Variants in CDCA2 observed in about 807,000 individuals in gnomAD.
CDCA2 encodes cell division cycle associated 2.
CDCA2 carries 44 observed loss-of-function variants against 67.0 expected under a neutral mutation model. The observed-to-expected ratio is 0.66, with a 90% CI of 0.52 to 0.84. The LOEUF is 0.84. CDCA2 is among the 40% of genes least tolerant of loss of function. CDCA2 has a pLI of 0.00. For synonymous variants in CDCA2, 447 were observed against 418.7 expected, an observed-to-expected ratio of 1.07 and a Z score of -0.82; for missense variants, 1,253 against 1,203.2, an observed-to-expected ratio of 1.04 and a Z score of -0.61.
rs1328650835 is a variant in CDCA2, at chr8:25,507,011, T to C, written c.2345T>C (p.Leu782Ser). 1.2e-6 allele frequency: 2 copies of C among 1,614,174 alleles called. No individual in the cohort carries two copies. Among genetic ancestry groups the C allele is most frequent in the Non-Finnish European group, 1.7e-6 (2 of 1,180,006 alleles). ...GAAGGAAAACTGCAATGCAATCGTT[T>C]AATGCCTAATTCACAAAAAGACTGT... ...AAEGKLQCNRLMPNSQKDCHC... is the reference protein window; with the variant it reads ...AAEGKLQCNRSMPNSQKDCHC... The change falls in exon 15 of 15, where the codon TTA becomes TCA. Residue 782 changes from leucine (L) to serine (S), a missense_variant. Leu to Ser is a moderately radical substitution (Grantham distance 145). Coordinates refer to ENST00000330560, the MANE Select transcript of CDCA2 (RefSeq NM_152562.4).
chr8:25,462,554 A>T (rs146801226), intron 4 of CDCA2, among the ~76,000 whole-genome samples: 3 of 151,498 alleles, frequency 2.0e-5, no homozygotes, highest in Non-Finnish European at 4.4e-5. Context: ...TGAACCTGGG[A>T]GGCAGAGGTT....
chr8:25,494,209 C>T (rs1804118365), intron 13 of CDCA2, among the ~76,000 whole-genome samples: 1 of 151,978 alleles, frequency 6.6e-6, no homozygotes, highest in Non-Finnish European at 1.5e-5. Context: ...CCTGTAATCT[C>T]AGCACTTTGG....
At chr8:25,500,105 C>G (rs1212275660) in intron 13 of CDCA2, among the ~76,000 whole-genome samples, 1 of 152,164 alleles carries the variant, frequency 6.6e-6, no homozygotes, top group East Asian at 1.9e-4. Context: ...GTCTTTCAAT[C>G]ATGTTGAGCA....
chr8:25,506,947 A>G lies in CDCA2; in HGVS notation c.2281A>G (p.Ile761Val). 6.2e-7 allele frequency: 1 copy of G among 1,613,844 alleles called. No individual in the cohort carries two copies. The highest frequency in any genetic ancestry group is 8.5e-7 in the Non-Finnish European group (1 of 1,179,868). Reference sequence around the variant, plus strand: ...CTTTAAAATTTCACCAGATTTAAACATAAAGTGTGAAAGAAAGGATGACTT... The same window carrying G: ...CTTTAAAATTTCACCAGATTTAAACGTAAAGTGTGAAAGAAAGGATGACTT... ...QFFKISPDLN[I>V]KCERKDDFLG... is the part of the protein sequence containing the mutation. Residue 761 changes from isoleucine to valine, a missense_variant, in exon 15 of 15, where the codon ATA becomes GTA. Physicochemically the swap from Ile to Val is conservative, Grantham distance 29. Transcript: ENST00000330560.
At chr8:25,481,269 TACAC>T (rs1803560311) in intron 8 of CDCA2, among the ~76,000 whole-genome samples, 1 of 147,874 alleles carries the variant, frequency 6.8e-6, no homozygotes, top group South Asian at 2.1e-4. Flanking sequence ...GGGTCTGTAA[TACAC>T]ACAGCACTGT....
chr8:25,483,453 A>G lies in CDCA2; in HGVS notation c.1087A>G (p.Asn363Asp). ...TGGGACTCATCCGAGCTTAATCTCA[A>G]ATCTCCCAAACTGTTGCAAAGAGAA... ...DDGTHPSLIS[N>D]LPNCCKEKEA... Residue 363 changes from asparagine (N) to aspartate (D), a missense_variant, in exon 9 of 15, where the codon AAT (asparagine) becomes GAT (aspartate). Physicochemically the swap from Asn to Asp is conservative, Grantham distance 23. Coordinates refer to ENST00000330560, the MANE Select transcript of CDCA2 (RefSeq NM_152562.4). The G allele has an allele frequency of 6.2e-7, 1 of 1,612,312 alleles. No homozygotes were observed. The highest frequency in any genetic ancestry group is 1.1e-5 in the South Asian group (1 of 90,786).
intron 14 of CDCA2, among the ~76,000 whole-genome samples, 177 bp from the exon 15 acceptor site, chr8:25,506,333 G>A (rs1032777658): frequency 1.3e-5 from 2 of 152,154 alleles, no homozygotes; most frequent in African/African-American, 4.8e-5. Flanking sequence ...GTGGATCGTT[G>A]GAGAACTAAA....
rs1396345917 is a variant in CDCA2 at position 25,480,104 on chromosome 8, A to G, written c.1012A>G (p.Met338Val). Residue 338 changes from methionine to valine, a missense_variant, in exon 8 of 15, where the codon ATG becomes GTG. By Grantham distance (21) the Met-to-Val change is conservative. Coordinates refer to ENST00000330560, the MANE Select transcript of CDCA2 (RefSeq NM_152562.4). ...RSVLKKPSVK[M>V]CLESLQEHCN... ...TGTACTGAAGAAACCCTCTGTTAAG[A>G]TGTGTCTAGAGAGCTTACAGGTAAG... 3 of 1,614,114 alleles carry G rather than the reference A, an allele frequency of 1.9e-6. No individual in the cohort carries two copies. The highest frequency in any genetic ancestry group is 2.2e-5 in the East Asian group (1 of 44,882).
intron 5 of CDCA2, 125 bp downstream of exon 5, chr8:25,466,450 A>T: frequency 1.1e-6 from 1 of 873,426 alleles, no homozygotes; most frequent in Non-Finnish European, 1.6e-6. Flanking sequence ...AGTGAGACTA[A>T]CATTAAAAAT....
rs561679144 is a variant in CDCA2 at position 25,470,070 on chromosome 8, G to T, written c.820+90G>T. 5.2e-5 allele frequency: 44 copies of T among 839,840 alleles called. 1 individual carries two copies. In the East Asian group the frequency reaches 5.9e-4, roughly 11 times the overall value. The allele number at this position is 839,840 out of a possible 1,614,324, so 52.0% of individuals were successfully genotyped here. The stretch of plus-strand genomic sequence containing the variant: ...CTATTTGCTAAAATTTGGGGGAACT[G>T]AAATTGTTTCCTACTTTTTAGGAGC... On this transcript the variant is annotated intron_variant, in intron 7 of 14. Coordinates refer to ENST00000330560, the MANE Select transcript of CDCA2 (RefSeq NM_152562.4).
chr8:25,470,051 G>C, intron 7 of CDCA2, 71 bp downstream of exon 7: 1 of 1,062,008 alleles, frequency 9.4e-7, no homozygotes, highest in Non-Finnish European at 1.4e-6. Context: ...GTACCTATTT[G>C]CTAAAATTTG....
intron 13 of CDCA2, among the ~76,000 whole-genome samples, chr8:25,497,359 C>T (rs943335299): frequency 1.3e-5 from 2 of 151,978 alleles, no homozygotes; most frequent in African/African-American, 4.8e-5. Flanking sequence ...TGTGTACACA[C>T]ACAACAAAAT....
intron 6 of CDCA2, among the ~76,000 whole-genome samples, chr8:25,469,404 A>G (rs1213501695): frequency 1.3e-5 from 2 of 152,230 alleles, no homozygotes; most frequent in East Asian, 3.8e-4. Context: ...AACTTTGATT[A>G]ATTGTTTGAA....
In CDCA2 at chr8:25,506,999, A is replaced by G; in HGVS notation, c.2333A>G (p.Gln778Arg). 1.2e-6 allele frequency: 2 copies of G among 1,614,162 alleles called. No homozygotes were observed. Among genetic ancestry groups the G allele is most frequent in the Non-Finnish European group, 1.7e-6 (2 of 1,180,006 alleles). ...TTAGGAGCTGCAGAAGGAAAACTGC[A>G]ATGCAATCGTTTAATGCCTAATTCA... ...DFLGAAEGKLQCNRLMPNSQK... is the reference protein window; with the variant it reads ...DFLGAAEGKLRCNRLMPNSQK... Residue 778 changes from glutamine (Q) to arginine (R), a missense_variant, in exon 15 of 15, where the codon CAA becomes CGA. Transcript: ENST00000330560.
intron 5 of CDCA2, 118 bp from the exon 6 acceptor site, chr8:25,468,099 C>G (rs147123142): frequency 1.8e-5 from 6 of 328,906 alleles, no homozygotes; most frequent in Non-Finnish European, 2.5e-5. Context: ...GCCTGGGCGA[C>G]AAGAGTGAAA....
In CDCA2 at chr8:25,462,192, A is replaced by G. The variant is rs1449196513; in HGVS notation, c.371A>G (p.Gln124Arg). The G allele has an allele frequency of 1.2e-6, 2 of 1,614,102 alleles. No homozygotes were observed. The highest frequency in any genetic ancestry group is 2.2e-5 in the South Asian group (2 of 91,080). The change falls in exon 4 of 15, where the codon CAA becomes CGA. Residue 124 changes from glutamine (Q) to arginine (R), a missense_variant. By Grantham distance (43) the Gln-to-Arg change is conservative (BLOSUM62 1). Transcript: ENST00000330560. ...AATGCTAGGAAATCTCCTTTGGCAC[A>G]AGATTCTCCTTCCCAGGTATGATTT... ...IKNARKSPLA[Q>R]DSPSQGSPAL... is the part of the protein sequence containing the mutation.
intron 14 of CDCA2, among the ~76,000 whole-genome samples, chr8:25,504,189 C>A (rs905819751): frequency 3.3e-5 from 5 of 151,876 alleles, no homozygotes; most frequent in African/African-American, 1.2e-4. Flanking sequence ...ATTATCAAGT[C>A]AGTTGATATA....
chr8:25,497,714 G>A (rs1399678170), intron 13 of CDCA2, among the ~76,000 whole-genome samples: 2 of 152,062 alleles, frequency 1.3e-5, no homozygotes, highest in Admixed American at 6.6e-5. Flanking sequence ...CATTGTAAGT[G>A]TTCTTGCCAT....
chr8:25,500,487 T>A (rs1463589731), intron 13 of CDCA2, among the ~76,000 whole-genome samples: 4 of 152,180 alleles, frequency 2.6e-5, no homozygotes, highest in Non-Finnish European at 5.9e-5. Flanking sequence ...GCCATACGTA[T>A]ATTCAATTTT....
Sources: gnomAD v4.1 joint callset for allele counts (sites outside exome capture counted in the v4.1 genomes callset) on GRCh38, gnomAD v4.1.1 for gene constraint, MANE v1.5 for transcripts, NCBI Gene and HGNC (gene_info 2026-07-23, HGNC 2026-07-21) for gene names.